The following CASR variants were observed in gnomAD, a reference collection of about 807,000 sequenced individuals.
CASR encodes extracellular calcium-sensing receptor.
In CASR, 23 loss-of-function variants were observed where a neutral mutation model predicts 69.1. That is an observed-to-expected ratio of 0.33 (90% CI 0.24 to 0.47). The LOEUF is 0.47. CASR is among the 20% of genes least tolerant of loss of function. CASR has a pLI of 1.00. For synonymous variants in CASR, 541 were observed against 544.7 expected (o/e 0.99, Z 0.10); for missense variants, 924 against 1,356.1 (o/e 0.68, Z 5.00).
At chr3:122,187,620 G>A (rs2073798885) in intron 1 of CASR, among the ~76,000 whole-genome samples, 2 of 152,186 alleles carry the variant, frequency 1.3e-5, no homozygotes, top group Admixed American at 6.5e-5. Context: ...ACCAAAGGAG[G>A]AAGGGTCAGG....
chr3:122,196,507 GT>G (rs1263222221), intron 1 of CASR, among the ~76,000 whole-genome samples: 2 of 151,412 alleles, frequency 1.3e-5, no homozygotes, highest in Non-Finnish European at 3.0e-5. Flanking sequence ...TTTGGTTTTG[GT>G]TTTTGGGGTT....
chr3:122,284,330 C>T lies in CASR; in HGVS notation c.2376C>T (p.Phe792=), dbSNP rs2074937389. The change falls in exon 7 of 7, where the codon TTC becomes TTT. Residue 792 remains phenylalanine (F), a synonymous_variant. Transcript: ENST00000639785. ...CTGCCATCTGCTTCTTCTTTGCCTT[C>T]AAGTCCCGGAAGCTGCCGGAGAACT... is the stretch of plus-strand genomic sequence containing the variant. The part of the protein sequence containing the change: ...LLAAICFFFA[F]KSRKLPENFN... The T allele has an allele frequency of 6.2e-7, 1 of 1,614,014 alleles. No homozygotes were observed. The highest frequency in any genetic ancestry group is 1.3e-5 in the African/African-American group (1 of 74,934).
At chr3:122,185,857 G>A (rs567547420) in intron 1 of CASR, among the ~76,000 whole-genome samples, 7 of 152,256 alleles carry the variant, frequency 4.6e-5, no homozygotes, top group African/African-American at 1.7e-4. Flanking sequence ...AGAAGTTGGA[G>A]GGGAAGTAGG....
At chr3:122,194,422 C>A (rs2073868668) in intron 1 of CASR, among the ~76,000 whole-genome samples, 1 of 152,074 alleles carries the variant, frequency 6.6e-6, no homozygotes. Context: ...CCTTCACCCC[C>A]GCACTTTCTA....
At position 122,284,674 on chromosome 3, in the gene CASR, G is replaced by A; in HGVS notation, c.2720G>A (p.Gly907Glu). 6.2e-7 allele frequency: 1 copy of A among 1,613,510 alleles called. No individual in the cohort carries two copies. The highest frequency in any genetic ancestry group is 8.5e-7 in the Non-Finnish European group (1 of 1,179,548). ...TCCAGCAGCCTTGGAGGCTCCACGG[G>A]ATCCACCCCCTCCTCCTCCATCAGC... ...KRSSSLGGST[G>E]STPSSSISSK... is the part of the protein sequence containing the mutation. Residue 907 changes from glycine (G) to glutamate (E), a missense_variant, in exon 7 of 7, where the codon GGA becomes GAA. Coordinates refer to ENST00000639785, the MANE Select transcript of CASR (RefSeq NM_000388.4).
At chr3:122,207,101 TG>T (rs2074014550) in intron 1 of CASR, among the ~76,000 whole-genome samples, 1 of 152,070 alleles carries the variant, frequency 6.6e-6, no homozygotes, top group Non-Finnish European at 1.5e-5. Context: ...TCCATTAATT[TG>T]GGGTTTGGTT....
At chr3:122,272,850 G>T (rs936008931) in intron 4 of CASR, among the ~76,000 whole-genome samples, 3 of 152,164 alleles carry the variant, frequency 2.0e-5, no homozygotes, top group African/African-American at 7.2e-5. Context: ...TTAAGAAAAT[G>T]ATTTTTGATT....
intron 1 of CASR, among the ~76,000 whole-genome samples, chr3:122,197,142 T>C (rs1433369152): frequency 6.6e-6 from 1 of 152,184 alleles, no homozygotes; most frequent in Non-Finnish European, 1.5e-5. Context: ...CCTCTGTTGG[T>C]GTTTTTATGC....
chr3:122,207,239 A>T (rs1179123771), intron 1 of CASR, among the ~76,000 whole-genome samples: 1 of 152,036 alleles, frequency 6.6e-6, no homozygotes, highest in East Asian at 1.9e-4. Flanking sequence ...GGACTTTAAC[A>T]CCTCATGCTC....
chr3:122,261,649 G>A lies in CASR; in HGVS notation c.614G>A (p.Arg205His), dbSNP rs763162046. Residue 205 changes from arginine (R) to histidine (H), a missense_variant, in exon 4 of 7, where the codon CGC (arginine) becomes CAC (histidine). Around this residue, in one of 8 missense-constraint regions of CASR, gnomAD observed 141 missense variants for 283.0 expected, o/e 0.50. Transcript: ENST00000639785. ...ATGGCAGACATCATCGAGTATTTCCGCTGGAACTGGGTGGGCACAATTGCA... is the reference window on the plus strand; with the variant it reads ...ATGGCAGACATCATCGAGTATTTCCACTGGAACTGGGTGGGCACAATTGCA... Reference protein sequence around the residue: ...TAMADIIEYFRWNWVGTIAAD... With the variant: ...TAMADIIEYFHWNWVGTIAAD... The A allele has an allele frequency of 5.6e-6, 9 of 1,614,058 alleles. No homozygotes were observed. Among genetic ancestry groups the A allele is most frequent in the African/African-American group, 4.0e-5 (3 of 74,920 alleles).
Position 122,289,338 on chromosome 3 carries a change from C to A in CASR, c.*4147C>A, listed in dbSNP as rs2074992601. On this transcript the variant is annotated 3_prime_UTR_variant, in exon 7 of 7. Transcript: ENST00000639785. ...GGAGGAAGTTGCCACAGTGAGATCA[C>A]AGCCTCTGGGAGATGCTGGTTTTCC... The A allele has an allele frequency of 6.6e-6, 1 of 152,156 alleles. No homozygotes were observed. Among genetic ancestry groups the A allele is most frequent in the South Asian group, 2.1e-4 (1 of 4,826 alleles). The allele number at this position is 152,156 out of a possible 1,614,324, so 9.4% of individuals were successfully genotyped here.
intron 1 of CASR, among the ~76,000 whole-genome samples, chr3:122,208,771 C>G (rs2074033406): frequency 6.6e-6 from 1 of 152,024 alleles, no homozygotes; most frequent in African/African-American, 2.4e-5. Flanking sequence ...TCTTTCCCTC[C>G]AGCACTGAAT....
rs369176659 is a variant in CASR at position 122,193,189 on chromosome 3, GT to G, written c.-243+9387del. ...TCATTCTCCTATTCTTTCATTTCTG[GT>G]TTTTTTTTTGTTTGTGTTTGTTTGT... On this transcript the variant is annotated intron_variant, in intron 1 of 6. Coordinates refer to ENST00000639785, the MANE Select transcript of CASR (RefSeq NM_000388.4). Among the ~76,000 whole-genome samples, 38 of 126,140 alleles carry G rather than the reference GT, an allele frequency of 3.0e-4. 1 individual carries two copies. The highest frequency in any genetic ancestry group is 8.3e-4 in the East Asian group (4 of 4,830). The allele number at this position is 126,140 out of a possible 152,430, so 82.8% of individuals were successfully genotyped here. A position where few individuals can be genotyped will look rare whatever the true frequency, so the allele number is the denominator to read the frequency against.
chr3:122,236,542 G>A (rs545107659), intron 1 of CASR, among the ~76,000 whole-genome samples: 4 of 152,120 alleles, frequency 2.6e-5, no homozygotes, highest in Admixed American at 2.0e-4. Context: ...GAGATATTTG[G>A]GGATTAAAAA....
chr3:122,216,934 A>G lies in CASR; in HGVS notation c.-243+33122A>G, dbSNP rs2074122512. ...CCATTCATTCAACATATATTTATTG[A>G]GTGCTTACTATATGCCAGGCATTGT... On this transcript the variant is annotated intron_variant, in intron 1 of 6. Coordinates refer to ENST00000639785, the MANE Select transcript of CASR (RefSeq NM_000388.4). 2.0e-5 allele frequency among the ~76,000 whole-genome samples: 3 copies of G among 152,188 alleles called. No homozygotes were observed. In the South Asian group the frequency reaches 6.2e-4, roughly 32 times the overall value.
chr3:122,250,409 A>G (rs990595142), intron 1 of CASR, among the ~76,000 whole-genome samples: 1 of 152,246 alleles, frequency 6.6e-6, no homozygotes, highest in Non-Finnish European at 1.5e-5. Flanking sequence ...ATAAACTCCA[A>G]GTAGTTAATA....
intron 4 of CASR, among the ~76,000 whole-genome samples, chr3:122,274,842 A>G (rs750705330): frequency 2.0e-4 from 31 of 152,188 alleles, no homozygotes; most frequent in Non-Finnish European, 3.5e-4. Context: ...CCTTACTCTC[A>G]CGTGGTGTCA....
At chr3:122,238,380 A>G (rs1185083588) in intron 1 of CASR, among the ~76,000 whole-genome samples, 1 of 152,212 alleles carries the variant, frequency 6.6e-6, no homozygotes, top group Non-Finnish European at 1.5e-5. Context: ...AGCCCTAGCA[A>G]GAGGGGAATC....
chr3:122,187,824 T>A (rs1242909067), intron 1 of CASR, among the ~76,000 whole-genome samples: 1 of 152,116 alleles, frequency 6.6e-6, no homozygotes, highest in African/African-American at 2.4e-5. Flanking sequence ...AGCTGAAGCA[T>A]AAGGAGCCAA....
Sources: allele counts gnomAD v4.1 joint callset (sites outside exome capture counted in the v4.1 genomes callset), GRCh38; gene constraint gnomAD v4.1.1; regional missense constraint gnomAD v4.1.1; transcripts MANE v1.5; gene names NCBI Gene and HGNC (gene_info 2026-07-23, HGNC 2026-07-21).